The following ADAM17 variants were observed in gnomAD, a reference collection of about 807,000 sequenced individuals.
The protein encoded by ADAM17 is disintegrin and metalloproteinase domain-containing protein 17.
ADAM17 carries 39 observed loss-of-function variants against 96.7 expected under a neutral mutation model. The ratio of observed to expected loss-of-function variants is 0.40; its 90% CI spans 0.31 to 0.53. The LOEUF (loss-of-function observed/expected upper bound fraction) is 0.53, where lower values mean the gene tolerates loss of function less well. Ranked by LOEUF, ADAM17 falls within the 20% of genes least tolerant of loss-of-function variation. The probability of loss-of-function intolerance (pLI) is 0.44; values close to 1 mark genes in which losing one functional copy is unlikely to be tolerated. For missense variants in ADAM17, 777 were observed against 1,013.2 expected (o/e 0.77, Z 3.17); for synonymous variants, 344 against 359.2 (o/e 0.96, Z 0.48).
rs140088131 is a variant in ADAM17 at position 9,536,920 on chromosome 2, T to G, written c.231-92A>C. On this transcript the variant is annotated intron_variant, in intron 2 of 18. Transcript: ENST00000310823. ...AAACTTTCTTAAAAAGCCAGAAGCA[T>G]TGACATTAATAAAACACTATGCAAG... The G allele has an allele frequency of 6.5e-4, 913 of 1,411,062 alleles. 5 individuals are homozygous for G. In the African/African-American group the frequency reaches 0.012, roughly 18 times the overall value. 87.4% of individuals were successfully genotyped at this position (1,411,062 alleles called of 1,614,324 possible). A position where few individuals can be genotyped will look rare whatever the true frequency, so the allele number is the denominator to read the frequency against.
At chr2:9,554,491 C>T (rs12692385) in intron 1 of ADAM17, among the ~76,000 whole-genome samples, 96,588 of 151,932 alleles carry the variant, frequency 0.64, 32,166 homozygotes, top group Middle Eastern at 0.76. Flanking sequence ...AGTATCCATA[C>T]CAATCCATTA....
chr2:9,492,697 C>A (rs541584620), intron 17 of ADAM17, among the ~76,000 whole-genome samples: 1 of 152,180 alleles, frequency 6.6e-6, no homozygotes, highest in South Asian at 2.1e-4. Flanking sequence ...CACCAACACA[C>A]AAAAATAGTA....
chr2:9,509,414 A>G (rs1475701134), intron 11 of ADAM17, among the ~76,000 whole-genome samples: 3 of 152,208 alleles, frequency 2.0e-5, no homozygotes, highest in African/African-American at 4.8e-5. Flanking sequence ...AGAAACCCCC[A>G]ATAGTAAATG....
intron 2 of ADAM17, among the ~76,000 whole-genome samples, chr2:9,539,411 A>G (rs1464150803): frequency 6.6e-6 from 1 of 152,098 alleles, no homozygotes; most frequent in East Asian, 1.9e-4. Flanking sequence ...CACCACGCCT[A>G]GCTGATAATT....
intron 17 of ADAM17, among the ~76,000 whole-genome samples, chr2:9,491,838 G>T (rs1383540990): frequency 6.6e-6 from 1 of 152,174 alleles, no homozygotes; most frequent in East Asian, 1.9e-4. Context: ...CCTATCGGAG[G>T]CTTTGCTCTG....
chr2:9,549,233 C>A (rs1038297573), intron 1 of ADAM17, among the ~76,000 whole-genome samples: 1 of 151,900 alleles, frequency 6.6e-6, no homozygotes, highest in African/African-American at 2.4e-5. Context: ...TAGCCAGGCG[C>A]GGTGGCAGGC....
chr2:9,521,518 G>C, intron 7 of ADAM17: 1 of 267,178 alleles, frequency 3.7e-6, no homozygotes. Flanking sequence ...ATATGTCAAT[G>C]AATTATTTAT....
intron 5 of ADAM17, chr2:9,527,576 T>C: frequency 5.8e-6 from 2 of 344,392 alleles, no homozygotes; most frequent in Non-Finnish European, 1.0e-5. Flanking sequence ...TAAAGTCTAA[T>C]CTCTGTTGTT....
chr2:9,535,733 G>A, intron 4 of ADAM17, 101 bp downstream of exon 4: 1 of 662,244 alleles, frequency 1.5e-6, no homozygotes, highest in Non-Finnish European at 2.4e-6. Flanking sequence ...ATACGAAGAG[G>A]AAAGAAATAA....
rs565724072 is a variant in ADAM17 at position 9,499,241 on chromosome 2, T to C, written c.1649-1993A>G. On this transcript the variant is annotated intron_variant, in intron 13 of 18. Transcript: ENST00000310823. ...AAAATATCAAGGGAACAAAAGGCTG[T>C]TTGATAAGAACAAACGTTTTCAAAT... 1.5e-4 allele frequency among the ~76,000 whole-genome samples: 23 copies of C among 152,176 alleles called. No individual in the cohort carries two copies. In the East Asian group the frequency reaches 3.7e-3, roughly 24 times the overall value.
In ADAM17 at chr2:9,491,208, C is replaced by T. The variant is rs1055146141; in HGVS notation, c.2083-57G>A. ...ACAAATACAATTCAGTTAGTGAGTA[C>T]TATTTCATCACAGGCTATTCCTAAC... is the stretch of plus-strand genomic sequence containing the variant. On this transcript the variant is annotated intron_variant, in intron 17 of 18. Coordinates refer to ENST00000310823, the MANE Select transcript of ADAM17 (RefSeq NM_003183.6). The T allele has an allele frequency of 7.3e-6, 11 of 1,512,712 alleles. No homozygotes were observed. The African/African-American group carries it at 1.4e-4, about 19-fold the overall frequency. 93.7% of individuals were successfully genotyped at this position (1,512,712 alleles called of 1,614,324 possible).
chr2:9,528,004 A>C (rs774733075), intron 4 of ADAM17, 50 bp from the exon 5 acceptor site: 1 of 1,237,774 alleles, frequency 8.1e-7, no homozygotes, highest in Non-Finnish European at 1.1e-6. Flanking sequence ...AATAATTCCT[A>C]AACACTAAAT....
At chr2:9,504,650 T>C (rs1389734827) in intron 12 of ADAM17, among the ~76,000 whole-genome samples, 4 of 147,710 alleles carry the variant, frequency 2.7e-5, no homozygotes, top group Non-Finnish European at 5.9e-5. Flanking sequence ...GTAGTCCCAC[T>C]ACTCAGGAGG....
chr2:9,542,282 G>A (rs193139038), intron 2 of ADAM17, among the ~76,000 whole-genome samples: 1 of 152,182 alleles, frequency 6.6e-6, no homozygotes, highest in Non-Finnish European at 1.5e-5. Flanking sequence ...GCTCACACCT[G>A]TAATCCCAGC....
At chr2:9,531,214 T>C (rs1664724468) in intron 4 of ADAM17, among the ~76,000 whole-genome samples, 1 of 151,274 alleles carries the variant, frequency 6.6e-6, no homozygotes, top group Non-Finnish European at 1.5e-5. Flanking sequence ...CACCTCAGCT[T>C]CCCAAAGTGC....
chr2:9,526,083 A>G (rs372974434), intron 6 of ADAM17, 28 bp downstream of exon 6: 4 of 1,563,582 alleles, frequency 2.6e-6, no homozygotes, highest in Non-Finnish European at 3.5e-6. Context: ...TTTTTTTTCA[A>G]TTACTCGATG....
intron 17 of ADAM17, 54 bp from the exon 18 acceptor site, chr2:9,491,205 G>T: frequency 1.3e-6 from 2 of 1,525,254 alleles, no homozygotes; most frequent in Non-Finnish European, 1.8e-6. Flanking sequence ...CAGTTAGTGA[G>T]TACTATTTCA....
intron 1 of ADAM17, among the ~76,000 whole-genome samples, chr2:9,547,538 G>C (rs1665440837): frequency 6.6e-6 from 1 of 152,048 alleles, no homozygotes; most frequent in African/African-American, 2.4e-5. Context: ...AGAAAGGAGA[G>C]GCCTTAGGTC....
At position 9,494,694 on chromosome 2, in the gene ADAM17, T is replaced by C; in HGVS notation, c.1857A>G (p.Gln619=). Residue 619 remains glutamine, a synonymous_variant, in exon 15 of 19, where the codon CAA becomes CAG. Coordinates refer to ENST00000310823, the MANE Select transcript of ADAM17 (RefSeq NM_003183.6). ...GRCVPYVDAE[Q]KNLFLRKGKP... is the part of the protein sequence containing the mutation. ...TTCCTTTCCTCAAAAATAAGTTCTT[T>C]TGTTCAGCATCGACATAGGGCACAC... 6.2e-7 allele frequency: 1 copy of C among 1,614,160 alleles called. No individual in the cohort carries two copies. Among genetic ancestry groups the C allele is most frequent in the Non-Finnish European group, 8.5e-7 (1 of 1,180,012 alleles).
Sources: allele counts gnomAD v4.1 joint callset (sites outside exome capture counted in the v4.1 genomes callset), GRCh38; gene constraint gnomAD v4.1.1; transcripts MANE v1.5; gene names NCBI Gene and HGNC (gene_info 2026-07-23, HGNC 2026-07-21).